Variants in DAB2IP observed in about 807,000 individuals in gnomAD.
DAB2IP encodes DAB2 interacting protein, also known as disabled homolog 2-interacting protein.
DAB2IP carries 28 observed loss-of-function variants against 107.2 expected under a neutral mutation model. The ratio of observed to expected loss-of-function variants is 0.26; its 90% CI spans 0.19 to 0.36. DAB2IP has a LOEUF of 0.36. Ranked by LOEUF, DAB2IP falls within the 10% of genes least tolerant of loss-of-function variation. DAB2IP has a pLI of 1.00. For synonymous variants in DAB2IP, 755 were observed against 706.4 expected (o/e 1.07, Z -1.09); for missense variants, 1,400 against 1,644.7 (o/e 0.85, Z 2.57).
intron 1 of DAB2IP, among the ~76,000 whole-genome samples, chr9:121,580,668 A>G (rs890940816): frequency 4.6e-5 from 7 of 151,678 alleles, no homozygotes; most frequent in African/African-American, 1.7e-4. Flanking sequence ...TCTGTTGCCC[A>G]GGCTGGAGTC....
At chr9:121,583,409 G>A (rs925605643) in intron 1 of DAB2IP, among the ~76,000 whole-genome samples, 1 of 152,018 alleles carries the variant, frequency 6.6e-6, no homozygotes, top group African/African-American at 2.4e-5. Context: ...AAAAGAAAAG[G>A]GAGAGGCCAA....
intron 1 of DAB2IP, among the ~76,000 whole-genome samples, chr9:121,642,006 T>TCC (rs1832342020): frequency 9.2e-5 from 2 of 21,638 alleles, no homozygotes; most frequent in African/African-American, 5.9e-4. Context: ...TCTCTCTCTC[T>TCC]CTCTCTCTCT....
rs1554718106 is a variant in DAB2IP at position 121,641,935 on chromosome 9, T to TTCTTTCTTTCTTTCTC, written c.41-36740_41-36739insTTCTTTCTTTCTCTCT. On this transcript the variant is annotated intron_variant, in intron 1 of 16. Transcript: ENST00000259371. ...TTTCTTTCTTTCTTTCTTTCTTTCTTTCTCTCTTTCTTTCCTTTCTTTCTT... is the reference window on the plus strand; with the variant it reads ...TTTCTTTCTTTCTTTCTTTCTTTCTTTCTTTCTTTCTTTCTCTCTCTCTTTCTTTCCTTTCTTTCTT... Among the ~76,000 whole-genome samples the TTCTTTCTTTCTTTCTC allele has an allele frequency of 3.5e-4, 40 of 113,698 alleles. 2 individuals are homozygous for TTCTTTCTTTCTTTCTC. Among genetic ancestry groups the TTCTTTCTTTCTTTCTC allele is most frequent in the Non-Finnish European group, 4.4e-4 (26 of 58,864 alleles). 74.6% of individuals were successfully genotyped at this position (113,698 alleles called of 152,430 possible). A position where few individuals can be genotyped will look rare whatever the true frequency, so the allele number is the denominator to read the frequency against.
intron 2 of DAB2IP, among the ~76,000 whole-genome samples, chr9:121,693,841 G>A (rs951375993): frequency 6.6e-6 from 1 of 152,246 alleles, no homozygotes; most frequent in Admixed American, 6.5e-5. Flanking sequence ...CCTACTATGT[G>A]CTAGGCATGT....
chr9:121,773,309 A>G (rs1178338052), exon 12 of DAB2IP: 7 of 760,484 alleles, frequency 9.2e-6, no homozygotes, highest in Non-Finnish European at 1.1e-5. Flanking sequence ...CCCCGCCGCC[A>G]CCTCCTGCCC....
intron 1 of DAB2IP, among the ~76,000 whole-genome samples, chr9:121,579,084 G>T (rs1342305332): frequency 2.0e-5 from 3 of 152,058 alleles, no homozygotes; most frequent in Non-Finnish European, 4.4e-5. Flanking sequence ...CTGGAGCCCC[G>T]CACCATCAGA....
At chr9:121,744,771 G>C (rs56063512) in intron 3 of DAB2IP, among the ~76,000 whole-genome samples, 3,136 of 152,264 alleles carry the variant, frequency 0.021, 53 homozygotes, top group Non-Finnish European at 0.033. Context: ...TGACCTCTCT[G>C]AGCCTCTGCT....
chr9:121,740,420 C>T (rs1482083674), intron 3 of DAB2IP, among the ~76,000 whole-genome samples: 5 of 152,200 alleles, frequency 3.3e-5, no homozygotes, highest in South Asian at 2.1e-4. Flanking sequence ...TCTGGGTCCA[C>T]GGCCCCTAAA....
intron 14 of DAB2IP, among the ~76,000 whole-genome samples, chr9:121,779,210 A>C (rs1588019435): frequency 3.3e-5 from 5 of 151,902 alleles, no homozygotes; most frequent in Admixed American, 3.3e-4. Flanking sequence ...TATATTTTTC[A>C]CCTCTTAGAA....
rs114528604 is a variant in DAB2IP at position 121,718,999 on chromosome 9, G to A, written c.362+19541G>A. 4.5e-3 allele frequency among the ~76,000 whole-genome samples: 692 copies of A among 152,316 alleles called. 4 individuals are homozygous for A. Among genetic ancestry groups the A allele is most frequent in the African/African-American group, 0.016 (660 of 41,566 alleles). ...CCACTCCACCTGGTAGCAAGGGGGT[G>A]CTTCATGAGGGCACTGGATGGGATC... On this transcript the variant is annotated intron_variant, in intron 3 of 15. Transcript: ENST00000408936.
At chr9:121,682,048 G>A (rs943089382) in intron 2 of DAB2IP, among the ~76,000 whole-genome samples, 2 of 152,204 alleles carry the variant, frequency 1.3e-5, no homozygotes, top group African/African-American at 2.4e-5. Context: ...TACAGGCAGA[G>A]GACAAGGTGT....
rs536623681 is a variant in DAB2IP at position 121,591,601 on chromosome 9, G to A, written c.40+24373G>A. On this transcript the variant is annotated intron_variant, in intron 1 of 16. Transcript: ENST00000259371. ...AAGTGAGGGTGATATGATTGGATCT[G>A]TGCTTTGAAAACCTAATGAGGAGAA... 5.3e-5 allele frequency among the ~76,000 whole-genome samples: 8 copies of A among 152,338 alleles called. No individual in the cohort carries two copies. The East Asian group carries it at 1.5e-3, about 29-fold the overall frequency.
intron 1 of DAB2IP, among the ~76,000 whole-genome samples, chr9:121,616,731 T>G (rs910881017): frequency 1.3e-5 from 2 of 152,208 alleles, no homozygotes. Flanking sequence ...AGGTCAGTCC[T>G]GAGTACCGGC....
At chr9:121,608,339 T>C (rs549098784) in intron 1 of DAB2IP, among the ~76,000 whole-genome samples, 1 of 152,290 alleles carries the variant, frequency 6.6e-6, no homozygotes, top group Non-Finnish European at 1.5e-5. Flanking sequence ...CTGAGGTCTG[T>C]GTTTTATATT....
In DAB2IP at chr9:121,634,555, G is replaced by A. The variant is rs1272497445; in HGVS notation, c.41-44123G>A. ...TGGGCAGGTGCAGCCTCGGTGCGCA[G>A]TTTGGAAGGGGTGACGCGCAGGTCT... On this transcript the variant is annotated intron_variant, in intron 1 of 16. Transcript: ENST00000259371. This position sits in a 1 kb window ranked among gnomAD's most constrained non-coding sequence, Gnocchi z 4.7. 1.3e-5 allele frequency among the ~76,000 whole-genome samples: 2 copies of A among 152,160 alleles called. No homozygotes were observed. Among genetic ancestry groups the A allele is most frequent in the African/African-American group, 4.8e-5 (2 of 41,430 alleles).
intron 1 of DAB2IP, among the ~76,000 whole-genome samples, chr9:121,640,477 G>A (rs1327502535): frequency 6.6e-6 from 1 of 152,142 alleles, no homozygotes; most frequent in African/African-American, 2.4e-5. Flanking sequence ...AGGCTGCAGG[G>A]GAAGAGGAGA....
rs1260622287 is a variant in DAB2IP at position 121,776,102 on chromosome 9, G to A, written c.3121-96G>A. On this transcript the variant is annotated intron_variant, in intron 13 of 15. Transcript: ENST00000408936. The surrounding 1 kb of genome is among the most constrained non-coding windows in gnomAD (Gnocchi z 5.4). ...GGTCACAGCCACTGGGGCCTTTCAA[G>A]TGGGGCTCCCTCCTACCCTTCCTCC... 3 of 1,428,430 alleles carry A rather than the reference G, an allele frequency of 2.1e-6. No individual in the cohort carries two copies. The highest frequency in any genetic ancestry group is 5.0e-5 in the East Asian group (2 of 39,862). The allele number at this position is 1,428,430 out of a possible 1,614,324, so 88.5% of individuals were successfully genotyped here. A position where few individuals can be genotyped will look rare whatever the true frequency, so the allele number is the denominator to read the frequency against.
chr9:121,781,115 C>T (rs757135906), intron 14 of DAB2IP, among the ~76,000 whole-genome samples: 1 of 152,184 alleles, frequency 6.6e-6, no homozygotes, highest in African/African-American at 2.4e-5. Flanking sequence ...TCAGGGCCTT[C>T]GTCTTTCCAC....
intron 3 of DAB2IP, 123 bp from the exon 4 acceptor site, chr9:121,756,890 A>C (rs1833529259): frequency 3.1e-6 from 4 of 1,304,240 alleles, no homozygotes; most frequent in Non-Finnish European, 4.4e-6. Flanking sequence ...GACAGAAAGG[A>C]GAGAGAGTGG....
Sources: allele counts gnomAD v4.1 joint callset (sites outside exome capture counted in the v4.1 genomes callset), GRCh38; gene constraint gnomAD v4.1.1; non-coding constraint Gnocchi (gnomAD v3.1); transcripts MANE v1.5; gene names NCBI Gene and HGNC (gene_info 2026-07-23, HGNC 2026-07-21).